ECT2L: variants seen among roughly 807,000 people sequenced by gnomAD.
ECT2L encodes epithelial cell transforming 2 like, also known as epithelial cell-transforming sequence 2 oncogene-like.
ECT2L carries 126 observed loss-of-function variants against 122.8 expected under a neutral mutation model. The ratio of observed to expected loss-of-function variants is 1.03; its 90% CI spans 0.89 to 1.19. The LOEUF (loss-of-function observed/expected upper bound fraction) is 1.19, where lower values mean the gene tolerates loss of function less well. Among genes scored for constraint, ECT2L ranks in the 50% most tolerant of loss-of-function variants. The pLI, the probability that ECT2L is intolerant of heterozygous loss-of-function variation, is 0.00. For synonymous variants in ECT2L, 385 were observed against 381.8 expected (o/e 1.01, Z -0.10); for missense variants, 1,012 against 1,064.1 (o/e 0.95, Z 0.68).
intron 1 of ECT2L, among the ~76,000 whole-genome samples, chr6:138,808,185 ATTT>A (rs1775774910): frequency 6.6e-6 from 1 of 152,180 alleles, no homozygotes; most frequent in Non-Finnish European, 1.5e-5. Context: ...TCTGGATAAA[ATTT>A]TTAGTATTCT....
intron 7 of ECT2L, among the ~76,000 whole-genome samples, chr6:138,845,519 C>A (rs1162337417): frequency 6.6e-6 from 1 of 151,944 alleles, no homozygotes. Context: ...GCTGGGATTA[C>A]AGACATGAGC....
intron 14 of ECT2L, among the ~76,000 whole-genome samples, chr6:138,877,372 G>A (rs1778489850): frequency 6.6e-6 from 1 of 152,036 alleles, no homozygotes; most frequent in African/African-American, 2.4e-5. Context: ...ATAGAGCAGT[G>A]GATATGAGGG....
intron 1 of ECT2L, among the ~76,000 whole-genome samples, chr6:138,797,507 A>T (rs1376863789): frequency 6.6e-6 from 1 of 152,184 alleles, no homozygotes; most frequent in Non-Finnish European, 1.5e-5. Context: ...CCAGCTGTAT[A>T]ACAGATAACC....
chr6:138,854,023 C>A lies in ECT2L; in HGVS notation c.1070-3C>A, dbSNP rs377533630. 3.9e-5 allele frequency: 62 copies of A among 1,609,814 alleles called. No homozygotes were observed. The highest frequency in any genetic ancestry group is 5.1e-5 in the Non-Finnish European group (60 of 1,178,548). On this transcript the variant is annotated splice_region_variant and splice_polypyrimidine_tract_variant and intron_variant, in intron 9 of 21. Coordinates refer to ENST00000541398, the MANE Select transcript of ECT2L (RefSeq NM_001077706.3). ...ATATGACATTTTGATTTTTTTTCCT[C>A]AGGCTATAAAATTGGTGTTAAAAAT...
chr6:138,846,312 T>G (rs1215329261), intron 7 of ECT2L, among the ~76,000 whole-genome samples: 30 of 152,154 alleles, frequency 2.0e-4, no homozygotes. Context: ...AAGAGACTGC[T>G]CCAGCATCCC....
At chr6:138,878,512 C>T (rs1427451465) in intron 14 of ECT2L, among the ~76,000 whole-genome samples, 2 of 151,992 alleles carry the variant, frequency 1.3e-5, no homozygotes, top group African/African-American at 2.4e-5. Flanking sequence ...GGTGGCATGA[C>T]CTCGGCTCAC....
intron 7 of ECT2L, 32 bp downstream of exon 7, chr6:138,844,612 C>T (rs773813059): frequency 1.2e-6 from 2 of 1,602,194 alleles, no homozygotes; most frequent in East Asian, 2.2e-5. Flanking sequence ...GAAGGCTCAA[C>T]ACCATCCCAA....
intron 4 of ECT2L, among the ~76,000 whole-genome samples, chr6:138,832,262 T>C (rs1776673425): frequency 6.6e-6 from 1 of 152,132 alleles, no homozygotes; most frequent in African/African-American, 2.4e-5. Context: ...ATTTTCAGCA[T>C]GTTTATGTTA....
At chr6:138,891,781 T>A (rs940696956) in intron 20 of ECT2L, among the ~76,000 whole-genome samples, 1 of 146,414 alleles carries the variant, frequency 6.8e-6, no homozygotes, top group Non-Finnish European at 1.5e-5. Flanking sequence ...CAGGCCCTGG[T>A]CACCCATATT....
At chr6:138,836,534 C>T (rs904454110) in intron 4 of ECT2L, among the ~76,000 whole-genome samples, 7 of 151,910 alleles carry the variant, frequency 4.6e-5, no homozygotes, top group African/African-American at 1.5e-4. Flanking sequence ...GTGATCCACC[C>T]ACCTCGGCCT....
Position 138,885,683 on chromosome 6 carries a change from G to A in ECT2L, c.2112G>A (p.Glu704=). ...TIVTKMLSLP[E]LLLYPSRRFE... ...TCTATGCCTCATACAGCCTGCCAGA[G>A]CTGCTGCTGTACCCATCCCGAAGAT... The change falls in exon 18 of 22, where the codon GAG becomes GAA. Residue 704 remains glutamate, a synonymous_variant. Coordinates refer to ENST00000541398, the MANE Select transcript of ECT2L (RefSeq NM_001077706.3). 6.2e-7 allele frequency: 1 copy of A among 1,613,980 alleles called. No individual in the cohort carries two copies. Among genetic ancestry groups the A allele is most frequent in the Non-Finnish European group, 8.5e-7 (1 of 1,179,956 alleles).
Position 138,902,571 on chromosome 6 carries a change from A to G in ECT2L, c.2659A>G (p.Lys887Glu). The change falls in exon 22 of 22, where the codon AAG becomes GAG. Residue 887 changes from lysine to glutamate, a missense_variant. Lys to Glu is a moderately conservative substitution (Grantham distance 56). Coordinates refer to ENST00000541398, the MANE Select transcript of ECT2L (RefSeq NM_001077706.3). ...WICATEIEDD[K>E]FLWLSVLRNA... Reference sequence around the variant, plus strand: ...TTGTGCTACAGAAATAGAGGATGATAAGTTCCTATGGCTGTCAGTACTTCG... The same window carrying G: ...TTGTGCTACAGAAATAGAGGATGATGAGTTCCTATGGCTGTCAGTACTTCG... The G allele has an allele frequency of 6.2e-7, 1 of 1,613,926 alleles. No homozygotes were observed. The highest frequency in any genetic ancestry group is 8.5e-7 in the Non-Finnish European group (1 of 1,179,884).
intron 10 of ECT2L, among the ~76,000 whole-genome samples, chr6:138,858,697 CTTTTTTTTTTTTT>C (rs35946003): frequency 3.4e-5 from 2 of 59,324 alleles, no homozygotes; most frequent in African/African-American, 7.0e-5. Context: ...TAGAATTTTC[CTTTTTTTTTTTTT>C]TTTTTTTTTT....
At chr6:138,863,633 C>T (rs1412268353) in intron 11 of ECT2L, among the ~76,000 whole-genome samples, 4 of 149,552 alleles carry the variant, frequency 2.7e-5, no homozygotes, top group African/African-American at 9.8e-5. Flanking sequence ...TTTTTTGAGA[C>T]AGAGTCTCAC....
chr6:138,843,271 T>C, intron 6 of ECT2L, 40 bp downstream of exon 6: 1 of 1,502,544 alleles, frequency 6.7e-7, no homozygotes, highest in Non-Finnish European at 8.9e-7. Flanking sequence ...AGGTAAATAT[T>C]GTAGACACAA....
At chr6:138,876,639 C>A (rs1368698460) in intron 14 of ECT2L, 81 bp downstream of exon 14, 6 of 789,106 alleles carry the variant, frequency 7.6e-6, no homozygotes, top group East Asian at 3.2e-5. Context: ...GTTAGTTCTT[C>A]ATTTTCCTTG....
chr6:138,850,348 T>A (rs995335993), intron 9 of ECT2L, among the ~76,000 whole-genome samples: 7 of 152,244 alleles, frequency 4.6e-5, no homozygotes, highest in Non-Finnish European at 8.8e-5. Flanking sequence ...TTCCACTATG[T>A]TGGCCAGGAT....
At chr6:138,843,629 G>C (rs1562469502) in intron 6 of ECT2L, among the ~76,000 whole-genome samples, 1 of 152,140 alleles carries the variant, frequency 6.6e-6, no homozygotes, top group Admixed American at 6.5e-5. Flanking sequence ...TTTAAAAAGG[G>C]AGAAAGAGGA....
chr6:138,796,804 C>A (rs1407439292), intron 1 of ECT2L, among the ~76,000 whole-genome samples: 1 of 152,194 alleles, frequency 6.6e-6, no homozygotes, highest in Non-Finnish European at 1.5e-5. Flanking sequence ...ACACAATATC[C>A]TGACATCATT....
Sources: gnomAD v4.1 joint callset for allele counts (sites outside exome capture counted in the v4.1 genomes callset) on GRCh38, gnomAD v4.1.1 for gene constraint, MANE v1.5 for transcripts, NCBI Gene and HGNC (gene_info 2026-07-23, HGNC 2026-07-21) for gene names.